The following KLC3 variants were observed in gnomAD, a reference collection of about 807,000 sequenced individuals.
The protein encoded by KLC3 is kinesin light chain 2.
In KLC3, 72 loss-of-function variants were observed where a neutral mutation model predicts 62.9. That is an observed-to-expected ratio of 1.15 (90% confidence interval 0.95 to 1.39). The LOEUF (loss-of-function observed/expected upper bound fraction) is 1.39, where lower values mean the gene tolerates loss of function less well. KLC3 is among the 40% of genes most tolerant of loss of function. KLC3 has a pLI of 0.00. For missense variants in KLC3, 848 were observed against 691.6 expected (o/e 1.23, Z -2.54); for synonymous variants, 377 against 300.5 (o/e 1.25, Z -2.63).
In KLC3 at chr19:45,351,321, C is replaced by A; in HGVS notation, c.1479C>A (p.Thr493=). 1.9e-6 allele frequency: 3 copies of A among 1,612,188 alleles called. No individual in the cohort carries two copies. Among genetic ancestry groups the A allele is most frequent in the African/African-American group, 1.3e-5 (1 of 74,998 alleles). Residue 493 remains threonine (T), a synonymous_variant, in exon 13 of 13, where the codon ACC becomes ACA. Coordinates refer to ENST00000391946, the MANE Select transcript of KLC3 (RefSeq NM_177417.3). ...GGCACCTGGACAAGGCCCCTCGGACCCTCAGCGCCAGCACCCAGGACCTGA... is the reference window on the plus strand; with the variant it reads ...GGCACCTGGACAAGGCCCCTCGGACACTCAGCGCCAGCACCCAGGACCTGA... ...PSWHLDKAPR[T]LSASTQDLSP...
chr19:45,350,261 A>G, intron 8 of KLC3, 80 bp from the exon 9 acceptor site: 1 of 215,942 alleles, frequency 4.6e-6, no homozygotes, highest in Admixed American at 1.2e-4. Context: ...TGTCTCTACA[A>G]AAAAAAAAAA....
At position 45,351,449 on chromosome 19, in the gene KLC3, C is replaced by G. The variant is rs1045620083; in HGVS notation, c.*92C>G. ...AGAGGGGGTCTATCATCTCCTGGCC[C>G]CCCCTTGCCTCTGGGTACCTGGTGG... is the stretch of plus-strand genomic sequence containing the variant. On this transcript the variant is annotated 3_prime_UTR_variant, in exon 13 of 13. Coordinates refer to ENST00000391946, the MANE Select transcript of KLC3 (RefSeq NM_177417.3). The G allele has an allele frequency of 6.3e-7, 1 of 1,583,082 alleles. No individual in the cohort carries two copies. The highest frequency in any genetic ancestry group is 8.6e-7 in the Non-Finnish European group (1 of 1,168,018).
At chr19:45,348,599 C>T (rs1971569511) in intron 5 of KLC3, 47 bp from the exon 6 acceptor site, 1 of 1,535,380 alleles carries the variant, frequency 6.5e-7, no homozygotes, top group African/African-American at 1.4e-5. Flanking sequence ...GCTGCAGCTG[C>T]CCCAACCCTT....
At position 45,348,031 on chromosome 19, in the gene KLC3, A is replaced by G. The variant is rs1310404726; in HGVS notation, c.650A>G (p.Tyr217Cys). The G allele has an allele frequency of 6.2e-7, 1 of 1,607,272 alleles. No homozygotes were observed. Among genetic ancestry groups the G allele is most frequent in the Admixed American group, 1.7e-5 (1 of 58,986 alleles). Residue 217 changes from tyrosine (Y) to cysteine (C), a missense_variant, in exon 5 of 13, where the codon TAC becomes TGC. Transcript: ENST00000391946. The part of the protein sequence containing the change: ...LRTLHNLVIQ[Y>C]AGQGRYEVAV... ...ACCCTGCATAACCTCGTGATCCAGT[A>G]CGCGGGGCAGGGCCGCTATGAGGTG...
At position 45,349,540 on chromosome 19, in the gene KLC3, AGCATCTATGAGGCACTGG is replaced by A; in HGVS notation, c.1084_1101del (p.Ile362_Gly367del). 1.9e-6 allele frequency: 3 copies of A among 1,613,876 alleles called. No homozygotes were observed. Among genetic ancestry groups the A allele is most frequent in the Non-Finnish European group, 2.5e-6 (3 of 1,179,950 alleles). ...GGAGCGGCACTATGCCCGGGCCCTG[AGCATCTATGAGGCACTGG>A]GCGGGCCCCATGACCCCAACGTGGC... On this transcript the variant is annotated inframe_deletion, in exon 8 of 13. Transcript: ENST00000391946.
rs1971548823 is a variant in KLC3 at position 45,348,043 on chromosome 19, G to A, written c.662G>A (p.Gly221Asp). 6.2e-7 allele frequency: 1 copy of A among 1,604,590 alleles called. No individual in the cohort carries two copies. Among genetic ancestry groups the A allele is most frequent in the African/African-American group, 1.3e-5 (1 of 74,758 alleles). Residue 221 changes from glycine (G) to aspartate (D), a missense_variant, in exon 5 of 13, where the codon GGC becomes GAC. Physicochemically the swap from Gly to Asp is moderately conservative, Grantham distance 94. Coordinates refer to ENST00000391946, the MANE Select transcript of KLC3 (RefSeq NM_177417.3). ...HNLVIQYAGQ[G>D]RYEVAVPLCR... Reference sequence around the variant, plus strand: ...CTCGTGATCCAGTACGCGGGGCAGGGCCGCTATGAGGTGGCGGTGCCTCTG... The same window carrying A: ...CTCGTGATCCAGTACGCGGGGCAGGACCGCTATGAGGTGGCGGTGCCTCTG...
Position 45,345,573 on chromosome 19 carries a change from C to T in KLC3, c.32C>T (p.Ala11Val). 6.4e-7 allele frequency: 1 copy of T among 1,566,782 alleles called. No homozygotes were observed. The highest frequency in any genetic ancestry group is 8.6e-7 in the Non-Finnish European group (1 of 1,156,550). ...GTGCAGGTAGCGGCTCCTGGAAGTG[C>T]AGGGCTGGGCCCAGAGCGCCTGAGC... MSVQVAAPGS[A>V]GLGPERLSPE... The change falls in exon 2 of 13, where the codon GCA (alanine) becomes GTA (valine). Residue 11 changes from alanine (A) to valine (V), a missense_variant. Physicochemically the swap from Ala to Val is moderately conservative, Grantham distance 64 (BLOSUM62 0). Transcript: ENST00000391946.
intron 1 of KLC3, among the ~76,000 whole-genome samples, chr19:45,341,729 C>T (rs1971399822): frequency 6.9e-6 from 1 of 144,122 alleles, no homozygotes; most frequent in South Asian, 2.2e-4. Flanking sequence ...CGCGTGGAAC[C>T]TTGGGGTTGG....
intron 12 of KLC3, 43 bp downstream of exon 12, chr19:45,351,060 G>C (rs199986033): frequency 6.2e-7 from 1 of 1,613,966 alleles, no homozygotes; most frequent in East Asian, 2.2e-5. Context: ...GGCCATGTGG[G>C]TAGGTGCAGA....
rs747426864 is a variant in KLC3 at position 45,351,409 on chromosome 19, T to G, written c.*52T>G. The G allele has an allele frequency of 6.3e-7, 1 of 1,598,876 alleles. No individual in the cohort carries two copies. On this transcript the variant is annotated 3_prime_UTR_variant, in exon 13 of 13. Coordinates refer to ENST00000391946, the MANE Select transcript of KLC3 (RefSeq NM_177417.3). ...CTTCTTGGGAACAGTGCAGGAGGGA[T>G]GGGCTGGTGGGGTGAGAGGGGGTCT...
chr19:45,347,468 C>G lies in KLC3; in HGVS notation c.511C>G (p.Arg171Gly). ...GCAGCAGTCTGAGTCCCCGCCTCGC[C>G]GAGACAGCCTGGCCTCCCTGTTCCC... ...ESQQSESPPRRDSLASLFPSE... is the reference protein window; with the variant it reads ...ESQQSESPPRGDSLASLFPSE... The change falls in exon 4 of 13, where the codon CGA (arginine) becomes GGA (glycine). Residue 171 changes from arginine to glycine, a missense_variant. By Grantham distance (125) the Arg-to-Gly change is moderately radical. Coordinates refer to ENST00000391946, the MANE Select transcript of KLC3 (RefSeq NM_177417.3). 2 of 1,612,498 alleles carry G rather than the reference C, an allele frequency of 1.2e-6. No individual in the cohort carries two copies. The highest frequency in any genetic ancestry group is 8.5e-7 in the Non-Finnish European group (1 of 1,179,246).
At chr19:45,342,365 T>C (rs1971412285) in intron 1 of KLC3, among the ~76,000 whole-genome samples, 2 of 152,016 alleles carry the variant, frequency 1.3e-5, no homozygotes, top group African/African-American at 4.8e-5. Context: ...GCGGCGGGGA[T>C]TGCTTGAACC....
At chr19:45,342,125 T>G (rs927741484) in intron 1 of KLC3, among the ~76,000 whole-genome samples, 2 of 152,076 alleles carry the variant, frequency 1.3e-5, no homozygotes, top group Non-Finnish European at 2.9e-5. Flanking sequence ...TGGAGTGGTG[T>G]GTGTAAGGCT....
In KLC3 at chr19:45,350,421, CGCCCCTCTCGGTGA is replaced by C; in HGVS notation, c.1231_1234+10del. The C allele has an allele frequency of 1.9e-6, 3 of 1,613,874 alleles. No individual in the cohort carries two copies. Among genetic ancestry groups the C allele is most frequent in the Non-Finnish European group, 2.5e-6 (3 of 1,179,898 alleles). ...AAATCCTCCACAAGGAGGACCTACC[CGCCCCTCTCGGTGA>C]GCCCCTAGCCCCTGTCTGTCTTCCC... On this transcript the variant is annotated splice_donor_variant and splice_donor_region_variant and coding_sequence_variant and intron_variant, in exon 9 of 13. Transcript: ENST00000391946. LOFTEE classifies it high-confidence loss of function.
chr19:45,345,376 G>C (rs1454275699), intron 1 of KLC3, 158 bp from the exon 2 acceptor site: 2 of 868,870 alleles, frequency 2.3e-6, no homozygotes, highest in African/African-American at 3.4e-5. Flanking sequence ...GGGATGGAGA[G>C]GGTGTGGAGG....
At chr19:45,349,677 A>T in intron 8 of KLC3, 75 bp downstream of exon 8, 8 of 932,802 alleles carry the variant, frequency 8.6e-6, no homozygotes, top group East Asian at 2.6e-5. Context: ...GGTTGGATAC[A>T]GGGTGAGCAA....
intron 1 of KLC3, among the ~76,000 whole-genome samples, chr19:45,341,734 G>A (rs1284941379): frequency 1.3e-5 from 2 of 148,244 alleles, no homozygotes; most frequent in Non-Finnish European, 3.0e-5. Context: ...GGAACCTTGG[G>A]GTTGGATGAG....
chr19:45,351,137 A>C lies in KLC3; in HGVS notation c.1443+120A>C, dbSNP rs1043840186. The C allele has an allele frequency of 3.7e-6, 6 of 1,601,974 alleles. No individual in the cohort carries two copies. The South Asian group carries it at 5.6e-5, about 15-fold the overall frequency. On this transcript the variant is annotated intron_variant, in intron 12 of 12. Transcript: ENST00000391946. ...GCAGGTGGTGGGTTGGTGTCAGAAG[A>C]GACCCAGGACAGGAGCAAAGATGGG... is the stretch of plus-strand genomic sequence containing the variant.
Position 45,345,689 on chromosome 19 carries a change from G to A in KLC3, c.148G>A (p.Glu50Lys), listed in dbSNP as rs1467215747. Residue 50 changes from glutamate to lysine, a missense_variant, in exon 2 of 13, where the codon GAG (glutamate) becomes AAG (lysine). By Grantham distance (56) the Glu-to-Lys change is moderately conservative. Coordinates refer to ENST00000391946, the MANE Select transcript of KLC3 (RefSeq NM_177417.3). Reference sequence around the variant, plus strand: ...CCATGGCCTGGCTGGGCACCTGGCGGAGGCCCTGGCGGGACAGGGCCCGGC... The same window carrying A: ...CCATGGCCTGGCTGGGCACCTGGCGAAGGCCCTGGCGGGACAGGGCCCGGC... ...EHHGLAGHLA[E>K]ALAGQGPAAG... is the part of the protein sequence containing the mutation. 3.8e-6 allele frequency: 6 copies of A among 1,573,924 alleles called. No homozygotes were observed. The highest frequency in any genetic ancestry group is 3.4e-6 in the Non-Finnish European group (4 of 1,160,964).
Sources: allele counts gnomAD v4.1 joint callset (sites outside exome capture counted in the v4.1 genomes callset), GRCh38; gene constraint gnomAD v4.1.1; transcripts MANE v1.5; gene names NCBI Gene and HGNC (gene_info 2026-07-23, HGNC 2026-07-21).